PDZD2: variants seen among roughly 807,000 people sequenced by gnomAD.
The protein encoded by PDZD2 is PDZ domain-containing protein 2.
A neutral mutation model predicts 220.7 loss-of-function variants in PDZD2; 90 were observed. The ratio of observed to expected loss-of-function variants is 0.41; its 90% CI spans 0.34 to 0.49. The LOEUF (loss-of-function observed/expected upper bound fraction) is 0.49. Ranked by LOEUF, PDZD2 falls within the 20% of genes least tolerant of loss-of-function variation. The probability of loss-of-function intolerance (pLI) is 0.28; values close to 1 mark genes in which losing one functional copy is unlikely to be tolerated. For synonymous variants in PDZD2, 1,375 were observed against 1,450.5 expected, an observed-to-expected ratio of 0.95 and a Z score of 1.18; for missense variants, 3,174 against 3,608.5, an observed-to-expected ratio of 0.88 and a Z score of 3.08.
chr5:31,731,635 T>G (rs976256518), intron 1 of PDZD2, among the ~76,000 whole-genome samples: 9 of 152,234 alleles, frequency 5.9e-5, no homozygotes, highest in African/African-American at 1.9e-4. Context: ...TTCTTACGCT[T>G]AGCATAATGT....
At chr5:31,924,682 T>TC in intron 2 of PDZD2, among the ~76,000 whole-genome samples, 1 of 152,240 alleles carries the variant, frequency 6.6e-6, no homozygotes. Flanking sequence ...ATTCTGGTCT[T>TC]GAGACGTAGC....
intron 2 of PDZD2, among the ~76,000 whole-genome samples, chr5:31,974,228 A>C (rs952386978): frequency 1.3e-5 from 2 of 152,020 alleles, no homozygotes; most frequent in African/African-American, 4.8e-5. Context: ...TGATCTGCCC[A>C]CCTTGGCCTC....
intron 1 of PDZD2, among the ~76,000 whole-genome samples, chr5:31,688,928 A>G (rs553706493): frequency 1.3e-5 from 2 of 152,214 alleles, no homozygotes; most frequent in South Asian, 4.2e-4. Context: ...AGCAGCATCA[A>G]GGATGTTGCC....
At chr5:31,728,796 C>A (rs151232149) in intron 1 of PDZD2, among the ~76,000 whole-genome samples, 65 of 152,328 alleles carry the variant, frequency 4.3e-4, no homozygotes, top group African/African-American at 1.4e-3. Flanking sequence ...TGATTAATTT[C>A]TATTCCATGT....
intron 6 of PDZD2, among the ~76,000 whole-genome samples, chr5:32,033,052 A>G (rs1363659162): frequency 6.6e-6 from 1 of 152,250 alleles, no homozygotes; most frequent in East Asian, 1.9e-4. Flanking sequence ...GATGTTAGCC[A>G]AGAGGCCGAG....
chr5:31,716,432 A>T (rs1561402466), intron 1 of PDZD2, among the ~76,000 whole-genome samples: 2 of 152,130 alleles, frequency 1.3e-5, no homozygotes, highest in South Asian at 4.1e-4. Flanking sequence ...AATTGAGGGG[A>T]AAGTGTGGGG....
chr5:31,887,767 CCT>C (rs1307401923), intron 2 of PDZD2, among the ~76,000 whole-genome samples: 1 of 151,788 alleles, frequency 6.6e-6, no homozygotes, highest in African/African-American at 2.4e-5. Context: ...CTGTGCATGC[CCT>C]GTGTCTCAAA....
rs1554082942 is a variant in PDZD2 at position 31,850,243 on chromosome 5, TACACACAC to T, written c.476+50531_476+50538del. On this transcript the variant is annotated intron_variant, in intron 2 of 24. Transcript: ENST00000438447. ...ATATATAAGTATATATATATATATA[TACACACAC>T]ACACACACACATATATATACTTATC... Among the ~76,000 whole-genome samples the T allele has an allele frequency of 2.5e-5, 3 of 122,236 alleles. No individual in the cohort carries two copies. The East Asian group carries it at 6.6e-4, about 27-fold the overall frequency. The allele number at this position is 122,236 out of a possible 152,430, so 80.2% of individuals were successfully genotyped here. A position where few individuals can be genotyped will look rare whatever the true frequency, so the allele number is the denominator to read the frequency against.
At chr5:31,870,179 C>A (rs1272508443) in intron 2 of PDZD2, among the ~76,000 whole-genome samples, 1 of 151,998 alleles carries the variant, frequency 6.6e-6, no homozygotes, top group East Asian at 1.9e-4. Flanking sequence ...AGTACCATAC[C>A]GTCTGAGTCA....
At chr5:31,831,574 CCG>C (rs1756591367) in intron 2 of PDZD2, among the ~76,000 whole-genome samples, 1 of 152,116 alleles carries the variant, frequency 6.6e-6, no homozygotes, top group Non-Finnish European at 1.5e-5. Context: ...TGGTGAAACC[CCG>C]TCTCTACTAA....
chr5:31,852,729 T>C (rs1758132467), intron 2 of PDZD2, among the ~76,000 whole-genome samples: 1 of 152,080 alleles, frequency 6.6e-6, no homozygotes, highest in African/African-American at 2.4e-5. Context: ...CCCAAGTAGC[T>C]GGGATTACAG....
intron 2 of PDZD2, among the ~76,000 whole-genome samples, chr5:31,821,389 T>TATTA (rs58933985): frequency 6.8e-6 from 1 of 147,470 alleles, no homozygotes; most frequent in Admixed American, 6.6e-5. Flanking sequence ...TTATTATTAT[T>TATTA]TTTTTTTTTT....
intron 14 of PDZD2, among the ~76,000 whole-genome samples, chr5:32,065,097 C>A (rs559891931): frequency 2.0e-5 from 3 of 150,868 alleles, no homozygotes; most frequent in Non-Finnish European, 4.4e-5. Context: ...GTCAGGAGTT[C>A]GAGACCAGCC....
intron 12 of PDZD2, among the ~76,000 whole-genome samples, chr5:32,058,723 T>C (rs971744029): frequency 9.4e-5 from 14 of 148,698 alleles, no homozygotes; most frequent in South Asian, 4.3e-4. Context: ...CTGGGGCTAA[T>C]ATAAAATTTT....
At position 32,002,637 on chromosome 5, in the gene PDZD2, AAC is replaced by A. The variant is rs796276640; in HGVS notation, c.1254+2375_1254+2376del. Among the ~76,000 whole-genome samples, 15 of 125,912 alleles carry A rather than the reference AAC, an allele frequency of 1.2e-4. No homozygotes were observed. In the South Asian group the frequency reaches 1.6e-3, roughly 13 times the overall value. The allele number at this position is 125,912 out of a possible 152,430, so 82.6% of individuals were successfully genotyped here. A position where few individuals can be genotyped will look rare whatever the true frequency, so the allele number is the denominator to read the frequency against. On this transcript the variant is annotated intron_variant, in intron 5 of 24. Transcript: ENST00000438447. ...CACCAACACACACCAACACACCACC[AAC>A]ACACACACCCCACATACTACACACA... is the stretch of plus-strand genomic sequence containing the variant.
intron 15 of PDZD2, among the ~76,000 whole-genome samples, chr5:32,070,411 G>A (rs891036016): frequency 3.9e-5 from 6 of 152,162 alleles, no homozygotes; most frequent in African/African-American, 1.2e-4. Context: ...TATTCAACCA[G>A]TTCATCATCC....
intron 19 of PDZD2, 133 bp downstream of exon 19, chr5:32,077,739 T>C (rs1030907619): frequency 1.2e-5 from 10 of 831,038 alleles, no homozygotes; most frequent in Admixed American, 4.2e-5. Flanking sequence ...GGCGGACCAC[T>C]TGAGGTCAGG....
chr5:32,101,082 C>T (rs776242840), intron 23 of PDZD2, 23 bp from the exon 24 acceptor site: 13 of 1,613,880 alleles, frequency 8.1e-6, no homozygotes, highest in Non-Finnish European at 2.5e-6. Flanking sequence ...TCATTTTCAT[C>T]TTGGTGCACG....
At chr5:31,888,048 T>A (rs1740677179) in intron 2 of PDZD2, among the ~76,000 whole-genome samples, 1 of 152,152 alleles carries the variant, frequency 6.6e-6, no homozygotes, top group South Asian at 2.1e-4. Flanking sequence ...GTGCAGCTGT[T>A]TTGGGCCATT....
Sources: gnomAD v4.1 joint callset for allele counts (sites outside exome capture counted in the v4.1 genomes callset) on GRCh38, gnomAD v4.1.1 for gene constraint, MANE v1.5 for transcripts, NCBI Gene and HGNC (gene_info 2026-07-23, HGNC 2026-07-21) for gene names.